Variants in EMC7 observed in about 807,000 individuals in gnomAD.
The protein encoded by EMC7 is endoplasmic reticulum membrane protein complex subunit 7.
Under a neutral mutation model 24.4 loss-of-function variants are expected in EMC7, and 4 were observed. That is an observed-to-expected ratio of 0.16 (90% CI 0.08 to 0.38). The LOEUF (loss-of-function observed/expected upper bound fraction) is 0.38. EMC7 is among the 10% of genes least tolerant of loss of function. The pLI is 1.00. For missense variants in EMC7, 221 were observed against 300.6 expected (o/e 0.74, Z 1.96); for synonymous variants, 106 against 112.0 (o/e 0.95, Z 0.34).
chr15:34,093,557 T>TA lies in EMC7; in HGVS notation c.356+2337dup, dbSNP rs772645836. Among the ~76,000 whole-genome samples the TA allele has an allele frequency of 6.2e-3, 925 of 149,768 alleles. 7 individuals carry two copies. The highest frequency in any genetic ancestry group is 0.01 in the Middle Eastern group (3 of 292). On this transcript the variant is annotated intron_variant, in intron 2 of 4. Transcript: ENST00000256545. Reference sequence around the variant, plus strand: ...AAAATTTAACCAGAGTAAAAAGGATTAAAAAAAAATACAAGTATTCCCTTT... The same window carrying TA: ...AAAATTTAACCAGAGTAAAAAGGATTAAAAAAAAAATACAAGTATTCCCTTT...
At chr15:34,093,823 A>ATATATATATATTTT (rs1190830993) in intron 2 of EMC7, among the ~76,000 whole-genome samples, 18 of 48,706 alleles carry the variant, frequency 3.7e-4, no homozygotes, top group Non-Finnish European at 5.0e-4. Context: ...ATATATATAT[A>ATATATATATATTTT]TTTTTTTTTT....
In EMC7 at chr15:34,092,656, T is replaced by G. The variant is rs147283624; in HGVS notation, c.357-2201A>C. On this transcript the variant is annotated intron_variant, in intron 2 of 4. Transcript: ENST00000256545. The stretch of plus-strand genomic sequence containing the variant: ...CCACCGTGCCCAGCCCCATCCCTAA[T>G]TATTAAAATAATTTTTAAATAATTT... 5.4e-3 allele frequency among the ~76,000 whole-genome samples: 821 copies of G among 152,152 alleles called. 9 individuals are homozygous for G. The highest frequency in any genetic ancestry group is 0.019 in the African/African-American group (778 of 41,540).
intron 4 of EMC7, among the ~76,000 whole-genome samples, chr15:34,085,345 G>A (rs1900861677): frequency 6.6e-6 from 1 of 152,072 alleles, no homozygotes; most frequent in Admixed American, 6.6e-5. Flanking sequence ...ATAAAGTACT[G>A]TTTGATAGTT....
chr15:34,101,049 C>CA (rs397955187), intron 1 of EMC7: 7,166 of 49,230 alleles, frequency 0.15, 586 homozygotes, highest in African/African-American at 0.28. Flanking sequence ...CACCCCCAAG[C>CA]AAAAAAAAAA....
intron 4 of EMC7, among the ~76,000 whole-genome samples, chr15:34,087,148 G>A (rs1380014018): frequency 6.6e-6 from 1 of 152,106 alleles, no homozygotes; most frequent in African/African-American, 2.4e-5. Context: ...GACAGGTATG[G>A]CCTATAATTC....
At chr15:34,087,090 A>C (rs2140866838) in intron 4 of EMC7, among the ~76,000 whole-genome samples, 1 of 152,348 alleles carries the variant, frequency 6.6e-6, no homozygotes, top group East Asian at 1.9e-4. Flanking sequence ...AGAATATTTG[A>C]TAAATCCATT....
chr15:34,091,837 G>T (rs1283549427), intron 2 of EMC7, among the ~76,000 whole-genome samples: 3 of 152,066 alleles, frequency 2.0e-5, no homozygotes, highest in Non-Finnish European at 4.4e-5. Context: ...CCTTTGTTGT[G>T]GGGGGAGCTA....
At chr15:34,097,961 T>C (rs1348413167) in intron 1 of EMC7, among the ~76,000 whole-genome samples, 4 of 106,504 alleles carry the variant, frequency 3.8e-5, no homozygotes, top group Admixed American at 1.1e-4. Flanking sequence ...AGATCGAGAC[T>C]CCGTCTCAAA....
intron 3 of EMC7, among the ~76,000 whole-genome samples, chr15:34,089,989 A>G (rs1264223277): frequency 6.6e-6 from 1 of 152,154 alleles, no homozygotes; most frequent in Non-Finnish European, 1.5e-5. Context: ...AACAAAAAAT[A>G]CGCAGGTAGT....
chr15:34,092,261 T>TCACACACACACACA (rs375005510), intron 2 of EMC7, among the ~76,000 whole-genome samples: 10,870 of 141,438 alleles, frequency 0.077, 479 homozygotes, highest in Non-Finnish European at 0.079. Flanking sequence ...TGAGACTCCG[T>TCACACACACACACA]CACACACACA....
intron 4 of EMC7, chr15:34,086,145 T>A: frequency 2.5e-6 from 1 of 401,840 alleles, no homozygotes; most frequent in Non-Finnish European, 4.8e-6. Flanking sequence ...ATAACCAATG[T>A]TGGGGATCAA....
At chr15:34,096,072 C>T in intron 1 of EMC7, 58 bp from the exon 2 acceptor site, 1 of 1,413,690 alleles carries the variant, frequency 7.1e-7, no homozygotes, top group Non-Finnish European at 9.4e-7. Flanking sequence ...TCTTTTCTTA[C>T]TTGCTAATTC....
rs376375922 is a variant in EMC7 at position 34,090,526 on chromosome 15, A to G, written c.357-71T>C. The G allele has an allele frequency of 6.0e-6, 9 of 1,507,690 alleles. No homozygotes were observed. The South Asian group carries it at 7.9e-5, about 13-fold the overall frequency. 93.4% of individuals were successfully genotyped at this position (1,507,690 alleles called of 1,614,324 possible). On this transcript the variant is annotated intron_variant, in intron 2 of 4. Transcript: ENST00000256545. ...ATTACTGGTTAAAAGAACTGCTTAT[A>G]TTATATTAGCAATGCCTTATACACA...
chr15:34,093,871 G>A (rs1489485367), intron 2 of EMC7, among the ~76,000 whole-genome samples: 5 of 131,382 alleles, frequency 3.8e-5, no homozygotes, highest in African/African-American at 1.5e-4. Flanking sequence ...TGTTGCCCAG[G>A]CTGGAGTGCA....
chr15:34,086,679 T>C (rs1393908164), intron 4 of EMC7, among the ~76,000 whole-genome samples: 1 of 152,256 alleles, frequency 6.6e-6, no homozygotes. Context: ...TCCACCTGCC[T>C]TGGCCTCCCA....
At chr15:34,097,034 T>C (rs1901081792) in intron 1 of EMC7, among the ~76,000 whole-genome samples, 1 of 44,212 alleles carries the variant, frequency 2.3e-5, no homozygotes, top group Non-Finnish European at 4.5e-5. Context: ...TTTTCTGTTC[T>C]TCTTCTTTTT....
chr15:34,088,422 CA>C (rs1430820508), intron 3 of EMC7, among the ~76,000 whole-genome samples: 1 of 150,760 alleles, frequency 6.6e-6, no homozygotes, highest in Admixed American at 6.6e-5. Flanking sequence ...TGCAGAGTTA[CA>C]GTGTTATTTA....
At chr15:34,089,098 C>T (rs1386522052) in intron 3 of EMC7, among the ~76,000 whole-genome samples, 3 of 152,106 alleles carry the variant, frequency 2.0e-5, no homozygotes, top group Non-Finnish European at 4.4e-5. Context: ...CCTTGTGATC[C>T]GCCCACCTCA....
chr15:34,085,030 A>T (rs1358075146), intron 4 of EMC7, among the ~76,000 whole-genome samples: 1 of 152,008 alleles, frequency 6.6e-6, no homozygotes, highest in East Asian at 1.9e-4. Flanking sequence ...TTTTCTGATT[A>T]AAGTGATTTC....
Sources: gnomAD v4.1 joint callset for allele counts (sites outside exome capture counted in the v4.1 genomes callset) on GRCh38, gnomAD v4.1.1 for gene constraint, MANE v1.5 for transcripts, NCBI Gene and HGNC (gene_info 2026-07-23, HGNC 2026-07-21) for gene names.